KCNH1: variants seen among roughly 807,000 people sequenced by gnomAD.
KCNH1 encodes the protein voltage-gated delayed rectifier potassium channel KCNH1.
In KCNH1, 27 loss-of-function variants were observed where a neutral mutation model predicts 69.2. That is an observed-to-expected ratio of 0.39 (90% CI 0.29 to 0.54). KCNH1 has a LOEUF of 0.54. Ranked by LOEUF, KCNH1 falls within the 20% of genes least tolerant of loss-of-function variation. The pLI is 0.68. For missense variants in KCNH1, 798 were observed against 1,261.6 expected (o/e 0.63, Z 5.57); for synonymous variants, 456 against 487.7 (o/e 0.93, Z 0.86).
intron 10 of KCNH1, among the ~76,000 whole-genome samples, chr1:210,737,093 T>C (rs1037400385): frequency 2.0e-5 from 3 of 152,190 alleles, no homozygotes; most frequent in Admixed American, 6.5e-5. Flanking sequence ...GATCAGATCT[T>C]TTATTTTCAA....
At chr1:210,842,231 A>G (rs887205874) in intron 7 of KCNH1, among the ~76,000 whole-genome samples, 3 of 152,210 alleles carry the variant, frequency 2.0e-5, no homozygotes, top group African/African-American at 7.2e-5. Flanking sequence ...CAATCACATA[A>G]GGTCTTAGTT....
At chr1:211,130,749 T>C (rs961244281) in intron 1 of KCNH1, among the ~76,000 whole-genome samples, 1 of 152,156 alleles carries the variant, frequency 6.6e-6, no homozygotes, top group African/African-American at 2.4e-5. Context: ...CTTATGAGGA[T>C]CAAAGGTGAT....
At chr1:210,815,579 T>C (rs1313875312) in intron 7 of KCNH1, among the ~76,000 whole-genome samples, 1 of 152,070 alleles carries the variant, frequency 6.6e-6, no homozygotes, top group Non-Finnish European at 1.5e-5. Flanking sequence ...AAAATACCCT[T>C]TTATCACCAC....
intron 6 of KCNH1, among the ~76,000 whole-genome samples, chr1:210,997,772 G>T (rs1196808806): frequency 6.6e-6 from 1 of 152,162 alleles, no homozygotes; most frequent in Non-Finnish European, 1.5e-5. Context: ...GAATGATCGG[G>T]TTATCCACAA....
chr1:210,687,041 A>T (rs986229230), intron 10 of KCNH1, among the ~76,000 whole-genome samples: 2 of 152,200 alleles, frequency 1.3e-5, no homozygotes, highest in African/African-American at 4.8e-5. Context: ...CACAGAGGTC[A>T]TAGTCAATGT....
intron 6 of KCNH1, among the ~76,000 whole-genome samples, chr1:210,994,855 G>C (rs1688998994): frequency 6.6e-6 from 1 of 152,168 alleles, no homozygotes; most frequent in South Asian, 2.1e-4. Flanking sequence ...AGTAGACTTG[G>C]GCAGATGAAA....
At chr1:210,850,594 G>C (rs2102466258) in intron 7 of KCNH1, among the ~76,000 whole-genome samples, 2 of 152,290 alleles carry the variant, frequency 1.3e-5, no homozygotes, top group South Asian at 4.1e-4. Context: ...TCCAAAGGGG[G>C]CTTTGGAGAT....
At chr1:210,695,358 T>G (rs894342059) in intron 10 of KCNH1, among the ~76,000 whole-genome samples, 5 of 152,240 alleles carry the variant, frequency 3.3e-5, no homozygotes, top group African/African-American at 1.2e-4. Context: ...CTCAGAATGG[T>G]AACTGGTCAT....
rs940640578 is a variant in KCNH1 at position 210,720,010 on chromosome 1, G to C, written c.2113-35872C>G. Among the ~76,000 whole-genome samples, 109 of 152,190 alleles carry C rather than the reference G, an allele frequency of 7.2e-4. 10 individuals are homozygous for C. The highest frequency in any genetic ancestry group is 4.2e-4 in the South Asian group (2 of 4,814). ...TCCTATATTCCTCTTAAATGCAGCG[G>C]CATGCAGATTTTCACCCTCTGAGAA... On this transcript the variant is annotated intron_variant, in intron 10 of 10. Transcript: ENST00000271751.
At chr1:210,717,655 C>T (rs1682293195) in intron 10 of KCNH1, among the ~76,000 whole-genome samples, 2 of 152,216 alleles carry the variant, frequency 1.3e-5, no homozygotes, top group Non-Finnish European at 2.9e-5. Context: ...TACCCCTTGA[C>T]ACTTTCTTGA....
intron 10 of KCNH1, among the ~76,000 whole-genome samples, chr1:210,766,516 G>C (rs75758392): frequency 1.1e-4 from 16 of 152,008 alleles, no homozygotes; most frequent in East Asian, 3.9e-4. Context: ...CAAGATTGAG[G>C]GGGGGTGGGG....
rs1298982867 is a variant in KCNH1 at position 210,797,705 on chromosome 1, C to T, written c.1718G>A (p.Arg573His). 5.0e-6 allele frequency: 8 copies of T among 1,614,048 alleles called. No homozygotes were observed. The highest frequency in any genetic ancestry group is 3.3e-5 in the Admixed American group (2 of 60,002). The change falls in exon 9 of 11, where the codon CGC becomes CAC. Residue 573 changes from arginine (R) to histidine (H), a missense_variant. By Grantham distance (29) the Arg-to-His change is conservative. Coordinates refer to ENST00000271751, the MANE Select transcript of KCNH1 (RefSeq NM_172362.3). ...MRADICVHLNRKVFKEHPAFR... is the reference protein window; with the variant it reads ...MRADICVHLNHKVFKEHPAFR... ...GGCCGGGTGCTCCTTGAACACCTTGCGGTTCAGGTGCACGCAGATGTCGGC... is the reference window on the plus strand; with the variant it reads ...GGCCGGGTGCTCCTTGAACACCTTGTGGTTCAGGTGCACGCAGATGTCGGC...
chr1:210,985,325 C>T (rs1437965622), intron 6 of KCNH1, among the ~76,000 whole-genome samples: 1 of 152,160 alleles, frequency 6.6e-6, no homozygotes, highest in Non-Finnish European at 1.5e-5. Flanking sequence ...CTTCTGCTAG[C>T]TTTTGAATGA....
chr1:211,042,201 C>A (rs541813486), intron 5 of KCNH1, among the ~76,000 whole-genome samples: 72 of 152,164 alleles, frequency 4.7e-4, no homozygotes, highest in Non-Finnish European at 8.8e-4. Context: ...CCCTGACACC[C>A]TCTCTCAAAT....
intron 7 of KCNH1, chr1:210,861,534 C>A: frequency 1.3e-6 from 1 of 772,638 alleles, no homozygotes; most frequent in Non-Finnish European, 2.4e-6. Flanking sequence ...CGGTCATCTT[C>A]TTCAATTCGA....
intron 10 of KCNH1, among the ~76,000 whole-genome samples, chr1:210,749,867 C>T (rs958548832): frequency 2.0e-5 from 3 of 151,922 alleles, no homozygotes; most frequent in African/African-American, 7.3e-5. Flanking sequence ...CTCAGCCTCC[C>T]GAGTAGCTGG....
chr1:211,083,497 A>G (rs1214887283), intron 4 of KCNH1, among the ~76,000 whole-genome samples: 1 of 152,212 alleles, frequency 6.6e-6, no homozygotes, highest in Non-Finnish European at 1.5e-5. Flanking sequence ...ATGGTTGGTG[A>G]CAGGTCCTTA....
rs1406174561 is a variant in KCNH1, at chr1:211,133,798, G to A, written c.79+69C>T. 8 of 1,412,464 alleles carry A rather than the reference G, an allele frequency of 5.7e-6. No individual in the cohort carries two copies. The highest frequency in any genetic ancestry group is 8.0e-6 in the Non-Finnish European group (8 of 1,005,892). The allele number at this position is 1,412,464 out of a possible 1,614,324, so 87.5% of individuals were successfully genotyped here. On this transcript the variant is annotated intron_variant, in intron 1 of 10. Coordinates refer to ENST00000271751, the MANE Select transcript of KCNH1 (RefSeq NM_172362.3). This position sits in a 1 kb window ranked among gnomAD's most constrained non-coding sequence, Gnocchi z 5.4. Reference sequence around the variant, plus strand: ...TCTGCTGCATCTGCTGGCTCCGAGCGGCGAGAGGTTCTGCAATAAAGGCAC... The same window carrying A: ...TCTGCTGCATCTGCTGGCTCCGAGCAGCGAGAGGTTCTGCAATAAAGGCAC...
At position 210,683,411 on chromosome 1, in the gene KCNH1, A is replaced by G; in HGVS notation, c.2840T>C (p.Ile947Thr). 1 of 1,614,088 alleles carries G rather than the reference A, an allele frequency of 6.2e-7. No homozygotes were observed. Among genetic ancestry groups the G allele is most frequent in the Non-Finnish European group, 8.5e-7 (1 of 1,180,012 alleles). ...IKALNAKMTN[I>T]EKQLSEILRI... ...GAGTATCTCAGAGAGCTGTTTCTCA[A>G]TATTGGTCATTTTGGCGTTTAAGGC... The change falls in exon 11 of 11, where the codon ATT becomes ACT. Residue 947 changes from isoleucine (I) to threonine (T), a missense_variant. Coordinates refer to ENST00000271751, the MANE Select transcript of KCNH1 (RefSeq NM_172362.3). This position sits in a 1 kb window ranked among gnomAD's most constrained non-coding sequence, Gnocchi z 5.7.
Sources: gnomAD v4.1 joint callset for allele counts (sites outside exome capture counted in the v4.1 genomes callset) on GRCh38, gnomAD v4.1.1 for gene constraint, Gnocchi (gnomAD v3.1) non-coding constraint, MANE v1.5 for transcripts, NCBI Gene and HGNC (gene_info 2026-07-23, HGNC 2026-07-21) for gene names.